Variants in KCNIP4 observed in about 807,000 individuals in gnomAD.
KCNIP4 encodes the protein potassium voltage-gated channel interacting protein 4, also known as Kv channel-interacting protein 4.
A neutral mutation model predicts 34.0 loss-of-function variants in KCNIP4; 12 were observed. The observed-to-expected ratio is 0.35, with a 90% CI of 0.23 to 0.57. KCNIP4 has a LOEUF of 0.57. Among genes scored for constraint, KCNIP4 ranks in the 20% least tolerant of loss-of-function variants. The probability of loss-of-function intolerance (pLI) is 0.83; values close to 1 mark genes in which losing one functional copy is unlikely to be tolerated. For missense variants in KCNIP4, 238 were observed against 311.7 expected (o/e 0.76, Z 1.78); for synonymous variants, 124 against 102.2 (o/e 1.21, Z -1.29).
chr4:21,229,513 A>G (rs1247415954), intron 1 of KCNIP4, among the ~76,000 whole-genome samples: 1 of 152,184 alleles, frequency 6.6e-6, no homozygotes, highest in Non-Finnish European at 1.5e-5. Context: ...ACGTTTTTGA[A>G]CCTATAATGT....
chr4:21,340,521 C>A (rs1716649098), intron 1 of KCNIP4, among the ~76,000 whole-genome samples: 1 of 152,002 alleles, frequency 6.6e-6, no homozygotes, highest in Admixed American at 6.6e-5. Flanking sequence ...TCATAAACAG[C>A]AGTTATGGTA....
intron 1 of KCNIP4, among the ~76,000 whole-genome samples, chr4:21,301,733 G>A (rs898448341): frequency 2.0e-5 from 3 of 152,050 alleles, no homozygotes; most frequent in Admixed American, 6.6e-5. Flanking sequence ...ACTGTAGAGT[G>A]CACACATTCT....
chr4:21,609,311 T>C (rs1319778530), intron 1 of KCNIP4, among the ~76,000 whole-genome samples: 3 of 152,192 alleles, frequency 2.0e-5, no homozygotes, highest in Non-Finnish European at 4.4e-5. Context: ...TATGTATTGG[T>C]CAACCACAAT....
chr4:21,568,300 C>T (rs1445808506), intron 1 of KCNIP4, among the ~76,000 whole-genome samples: 1 of 151,972 alleles, frequency 6.6e-6, no homozygotes, highest in African/African-American at 2.4e-5. Flanking sequence ...AAAGTGGGCC[C>T]CTAAACCAAT....
intron 2 of KCNIP4, among the ~76,000 whole-genome samples, chr4:20,857,015 C>T (rs938703773): frequency 4.8e-5 from 7 of 147,180 alleles, no homozygotes; most frequent in South Asian, 2.2e-4. Context: ...ATTAAGTGTG[C>T]GTGATAGGAT....
intron 1 of KCNIP4, among the ~76,000 whole-genome samples, chr4:21,105,045 T>C (rs542488380): frequency 6.6e-6 from 1 of 151,848 alleles, no homozygotes; most frequent in East Asian, 1.9e-4. Context: ...TCCAGCTTTG[T>C]TCTTTTGGCT....
intron 1 of KCNIP4, among the ~76,000 whole-genome samples, chr4:21,585,991 T>C (rs986731568): frequency 2.0e-5 from 3 of 152,084 alleles, no homozygotes; most frequent in Non-Finnish European, 2.9e-5. Context: ...GAAACTGATT[T>C]TTATGAACAA....
intron 1 of KCNIP4, among the ~76,000 whole-genome samples, chr4:21,534,294 G>A (rs1560495399): frequency 6.6e-6 from 1 of 152,164 alleles, no homozygotes; most frequent in South Asian, 2.1e-4. Context: ...AGACACTGCA[G>A]TGCACTAGAA....
intron 1 of KCNIP4, among the ~76,000 whole-genome samples, chr4:21,084,733 T>A (rs893832956): frequency 1.3e-5 from 2 of 151,276 alleles, no homozygotes; most frequent in Admixed American, 1.3e-4. Context: ...CATCCCTATT[T>A]AGATCCTCAT....
intron 1 of KCNIP4, among the ~76,000 whole-genome samples, chr4:21,686,139 T>A (rs766507084): frequency 1.3e-5 from 2 of 152,192 alleles, no homozygotes; most frequent in Non-Finnish European, 2.9e-5. Flanking sequence ...GGAATGTGAC[T>A]GATTTGGTAG....
chr4:21,815,070 G>C (rs574030964), intron 1 of KCNIP4, among the ~76,000 whole-genome samples: 1 of 152,208 alleles, frequency 6.6e-6, no homozygotes, highest in East Asian at 1.9e-4. Flanking sequence ...TATTATGCCT[G>C]TTATTAATTC....
At chr4:21,450,219 C>T (rs893529746) in intron 1 of KCNIP4, among the ~76,000 whole-genome samples, 7 of 152,076 alleles carry the variant, frequency 4.6e-5, no homozygotes, top group Non-Finnish European at 7.4e-5. Context: ...TTCTTACAAC[C>T]AACAGATAAT....
rs1024831966 is a variant in KCNIP4, at chr4:20,802,992, G to A, written c.289-44102C>T. ...CAGGAGGCTGAGGCAGGAGAATGGC[G>A]TGAATCTGGGAGGCGTAGCATGCAG... On this transcript the variant is annotated intron_variant, in intron 3 of 8. Transcript: ENST00000382152. Among the ~76,000 whole-genome samples the A allele has an allele frequency of 2.3e-4, 34 of 150,480 alleles. 1 individual carries two copies. The highest frequency in any genetic ancestry group is 1.3e-3 in the Admixed American group (19 of 15,124).
intron 1 of KCNIP4, among the ~76,000 whole-genome samples, chr4:21,554,735 A>T (rs1009768259): frequency 6.6e-6 from 1 of 152,044 alleles, no homozygotes; most frequent in Non-Finnish European, 1.5e-5. Flanking sequence ...CCATGCTCCA[A>T]GGCGCTTATT....
At chr4:21,785,994 G>C (rs1719882471) in intron 1 of KCNIP4, among the ~76,000 whole-genome samples, 3 of 152,142 alleles carry the variant, frequency 2.0e-5, no homozygotes, top group Admixed American at 2.0e-4. Flanking sequence ...CGCCAGGCTG[G>C]AATGAGTGCA....
rs10686415 is a variant in KCNIP4, at chr4:20,905,509, C to CTTTTTTTTTT, written c.62-22810_62-22801dup. Among the ~76,000 whole-genome samples, 645 of 72,648 alleles carry CTTTTTTTTTT rather than the reference C, an allele frequency of 8.9e-3. 59 individuals are homozygous for CTTTTTTTTTT. Among genetic ancestry groups the CTTTTTTTTTT allele is most frequent in the African/African-American group, 0.02 (434 of 21,522 alleles). The allele number at this position is 72,648 out of a possible 152,430, so 47.7% of individuals were successfully genotyped here. A position where few individuals can be genotyped will look rare whatever the true frequency, so the allele number is the denominator to read the frequency against. ...ACACAGGTAGTTGAACGTTTTCTTT[C>CTTTTTTTTTT]TTTTTTTTTTTTTTTTGTTTGAGAT... On this transcript the variant is annotated intron_variant, in intron 1 of 8. Coordinates refer to ENST00000382152, the MANE Select transcript of KCNIP4 (RefSeq NM_025221.6).
At chr4:21,503,304 A>G (rs1385323649) in intron 1 of KCNIP4, among the ~76,000 whole-genome samples, 2 of 152,180 alleles carry the variant, frequency 1.3e-5, no homozygotes, top group Non-Finnish European at 2.9e-5. Flanking sequence ...AGCAGTCACA[A>G]CAATTAACTA....
Position 21,467,366 on chromosome 4 carries a change from G to A in KCNIP4, c.61+481205C>T, listed in dbSNP as rs114504525. Among the ~76,000 whole-genome samples the A allele has an allele frequency of 2.3e-3, 352 of 152,110 alleles. 2 individuals are homozygous for A. The highest frequency in any genetic ancestry group is 3.7e-3 in the Non-Finnish European group (250 of 68,006). On this transcript the variant is annotated intron_variant, in intron 1 of 8. Transcript: ENST00000382152. ...TGATACGTGTTTCCAAGTTGGAAGC[G>A]GTCTGTTTTTCTGGATTTGAGTCTG... is the stretch of plus-strand genomic sequence containing the variant.
chr4:21,837,320 G>A (rs1297952171), intron 1 of KCNIP4, among the ~76,000 whole-genome samples: 2 of 150,438 alleles, frequency 1.3e-5, no homozygotes, highest in African/African-American at 2.4e-5. Flanking sequence ...GATCACCTGA[G>A]GTCAGGAGTT....
Sources: allele counts gnomAD v4.1 joint callset (sites outside exome capture counted in the v4.1 genomes callset), GRCh38; gene constraint gnomAD v4.1.1; transcripts MANE v1.5; gene names NCBI Gene and HGNC (gene_info 2026-07-23, HGNC 2026-07-21).